DOCK10: variants seen among roughly 807,000 people sequenced by gnomAD.
DOCK10 encodes the protein dedicator of cytokinesis 10.
A neutral mutation model predicts 280.1 loss-of-function variants in DOCK10; 145 were observed. The observed-to-expected ratio is 0.52, with a 90% confidence interval of 0.45 to 0.59. DOCK10 has a LOEUF of 0.59. DOCK10 is among the 20% of genes least tolerant of loss of function. DOCK10 has a pLI of 0.00. For missense variants in DOCK10, 2,368 were observed against 2,651.7 expected, an observed-to-expected ratio of 0.89 and a Z score of 2.35; for synonymous variants, 915 against 942.2, an observed-to-expected ratio of 0.97 and a Z score of 0.53.
chr2:224,827,418 C>T (rs926471606), intron 27 of DOCK10, among the ~76,000 whole-genome samples: 8 of 152,138 alleles, frequency 5.3e-5, no homozygotes, highest in African/African-American at 1.4e-4. Context: ...AAACCTCAAT[C>T]GGGGAAGATA....
At chr2:224,965,328 C>G (rs1033247446) in intron 1 of DOCK10, among the ~76,000 whole-genome samples, 1 of 152,092 alleles carries the variant, frequency 6.6e-6, no homozygotes, top group African/African-American at 2.4e-5. Flanking sequence ...AGGAAAAGTA[C>G]CCGTTTTCTG....
chr2:224,947,024 C>A, intron 1 of DOCK10: 1 of 1,460,400 alleles, frequency 6.8e-7, no homozygotes, highest in South Asian at 1.4e-5. Flanking sequence ...TCTGAAGCGT[C>A]ACCAGGCTGA....
chr2:224,957,285 GC>G lies in DOCK10; in HGVS notation c.124-25618del, dbSNP rs35689409. On this transcript the variant is annotated intron_variant, in intron 1 of 55. Transcript: ENST00000258390. ...ATCTAGTATTTAGTTTTTACTTTCC[GC>G]CCCCCCCCGGCTTTGTTTTTCGGAG... 6.4e-3 allele frequency among the ~76,000 whole-genome samples: 755 copies of G among 118,674 alleles called. 33 individuals carry two copies. The highest frequency in any genetic ancestry group is 0.022 in the African/African-American group (698 of 31,672). 77.9% of individuals were successfully genotyped at this position (118,674 alleles called of 152,430 possible).
chr2:224,859,797 A>G (rs1462567357), intron 14 of DOCK10, among the ~76,000 whole-genome samples: 1 of 152,210 alleles, frequency 6.6e-6, no homozygotes, highest in Non-Finnish European at 1.5e-5. Flanking sequence ...TCAATTAGGT[A>G]TTGAAGTATG....
chr2:224,969,822 AC>A (rs1433734877), intron 1 of DOCK10, among the ~76,000 whole-genome samples: 5 of 152,224 alleles, frequency 3.3e-5, no homozygotes, highest in Non-Finnish European at 7.3e-5. Flanking sequence ...CTTTAGAGTG[AC>A]AGAAAAGCAG....
chr2:224,877,621 T>C (rs1698722479), intron 7 of DOCK10, among the ~76,000 whole-genome samples: 1 of 152,034 alleles, frequency 6.6e-6, no homozygotes, highest in African/African-American at 2.4e-5. Context: ...GTGTGATGAG[T>C]AGGTACTTTA....
intron 1 of DOCK10, among the ~76,000 whole-genome samples, chr2:224,957,156 C>T (rs1036468749): frequency 1.3e-5 from 2 of 152,156 alleles, no homozygotes; most frequent in African/African-American, 2.4e-5. Flanking sequence ...GCAAACTCCC[C>T]GCCCTCTGCT....
At chr2:224,848,192 T>G (rs1696490425) in intron 19 of DOCK10, among the ~76,000 whole-genome samples, 1 of 152,126 alleles carries the variant, frequency 6.6e-6, no homozygotes, top group Non-Finnish European at 1.5e-5. Context: ...TGTGAGTCAT[T>G]TCAGACTTCG....
rs768377552 is a variant in DOCK10 at position 224,856,875 on chromosome 2, A to G, written c.1793T>C (p.Val598Ala). 6.2e-7 allele frequency: 1 copy of G among 1,608,920 alleles called. No individual in the cohort carries two copies. The change falls in exon 15 of 56, where the codon GTA becomes GCA. Residue 598 changes from valine to alanine, a missense_variant. Coordinates refer to ENST00000258390, the MANE Select transcript of DOCK10 (RefSeq NM_014689.3). ...AAAAACATACCTTCTATAATCTGAT[A>G]CTAGTTTAACTAGGTCCTCAGTTGA... Reference protein sequence around the residue: ...KISTEDLVKLVSDYRRADRIS... With the variant: ...KISTEDLVKLASDYRRADRIS...
chr2:224,960,727 A>ATTTTT (rs1704314987), intron 1 of DOCK10, among the ~76,000 whole-genome samples: 1 of 105,098 alleles, frequency 9.5e-6, no homozygotes, highest in African/African-American at 3.5e-5. Flanking sequence ...GCATCACCAA[A>ATTTTT]TTCTTTTTTT....
chr2:224,813,519 G>T (rs542749559), intron 31 of DOCK10, among the ~76,000 whole-genome samples: 6 of 152,238 alleles, frequency 3.9e-5, no homozygotes, highest in South Asian at 2.1e-4. Flanking sequence ...CCTCAATAAG[G>T]CTGGGGGAAA....
chr2:224,942,167 A>G (rs1703128725), intron 1 of DOCK10, among the ~76,000 whole-genome samples: 1 of 152,176 alleles, frequency 6.6e-6, no homozygotes, highest in South Asian at 2.1e-4. Context: ...AAGGAAGACC[A>G]TTCTTAGTTA....
chr2:224,765,208 T>C lies in DOCK10; in HGVS notation c.*513A>G, dbSNP rs980450991. On this transcript the variant is annotated 3_prime_UTR_variant, in exon 56 of 56. Coordinates refer to ENST00000258390, the MANE Select transcript of DOCK10 (RefSeq NM_014689.3). Reference sequence around the variant, plus strand: ...AAGGAACTCCACAAACTTTAAAGATTAGTATTTATCAACGCTTTTGTACAC... The same window carrying C: ...AAGGAACTCCACAAACTTTAAAGATCAGTATTTATCAACGCTTTTGTACAC... 3 of 152,684 alleles carry C rather than the reference T, an allele frequency of 2.0e-5. No individual in the cohort carries two copies. 9.5% of individuals were successfully genotyped at this position (152,684 alleles called of 1,614,324 possible). A position where few individuals can be genotyped will look rare whatever the true frequency, so the allele number is the denominator to read the frequency against.
At chr2:224,833,156 A>G (rs10185208) in intron 26 of DOCK10, among the ~76,000 whole-genome samples, 151,033 of 152,260 alleles carry the variant, frequency 0.99, 74,912 homozygotes, top group Middle Eastern at 1. Flanking sequence ...CAACACAGCA[A>G]TCAGAGGGAT....
rs919335932 is a variant in DOCK10 at position 224,896,206 on chromosome 2, A to G, written c.416+89T>C. The G allele has an allele frequency of 1.7e-5, 12 of 715,130 alleles. No individual in the cohort carries two copies. The African/African-American group carries it at 2.0e-4, about 12-fold the overall frequency. 44.3% of individuals were successfully genotyped at this position (715,130 alleles called of 1,614,324 possible). On this transcript the variant is annotated intron_variant, in intron 4 of 55. Coordinates refer to ENST00000258390, the MANE Select transcript of DOCK10 (RefSeq NM_014689.3). The stretch of plus-strand genomic sequence containing the variant: ...ATGTGCCTTGACAGAAGATTAATGT[A>G]CGTGTATTCATGAACAATGGCAGGA...
intron 1 of DOCK10, among the ~76,000 whole-genome samples, chr2:224,990,411 A>G (rs1013870196): frequency 1.1e-4 from 17 of 152,220 alleles, no homozygotes; most frequent in Non-Finnish European, 2.9e-5. Flanking sequence ...TTTAAGCCTC[A>G]GTTTCCTCAT....
At chr2:224,926,678 G>A (rs1464665522) in intron 2 of DOCK10, among the ~76,000 whole-genome samples, 2 of 152,190 alleles carry the variant, frequency 1.3e-5, no homozygotes, top group Admixed American at 1.3e-4. Context: ...GTTGAGTTGT[G>A]CCAAAGCAGG....
intron 1 of DOCK10, among the ~76,000 whole-genome samples, chr2:225,016,141 G>A (rs1325984324): frequency 2.0e-5 from 3 of 152,142 alleles, no homozygotes; most frequent in Non-Finnish European, 4.4e-5. Flanking sequence ...AGCTTTAACA[G>A]GTCTGGTGAG....
At chr2:225,016,025 CT>C (rs1435031530) in intron 1 of DOCK10, among the ~76,000 whole-genome samples, 1 of 152,118 alleles carries the variant, frequency 6.6e-6, no homozygotes, top group Non-Finnish European at 1.5e-5. Flanking sequence ...TTTGCTAGGC[CT>C]AAATGGGATA....
Sources: gnomAD v4.1 joint callset for allele counts (sites outside exome capture counted in the v4.1 genomes callset) on GRCh38, gnomAD v4.1.1 for gene constraint, MANE v1.5 for transcripts, NCBI Gene and HGNC (gene_info 2026-07-23, HGNC 2026-07-21) for gene names.